APLF: variants seen among roughly 807,000 people sequenced by gnomAD.
APLF encodes the protein aprataxin and PNKP like factor, also known as aprataxin and PNK-like factor.
Under a neutral mutation model 55.6 loss-of-function variants are expected in APLF, and 61 were observed. That is an observed-to-expected ratio of 1.10 (90% CI 0.89 to 1.36). APLF has a LOEUF of 1.36. Ranked by LOEUF, APLF falls within the 40% of genes most tolerant of loss-of-function variation. APLF has a pLI of 0.00. For synonymous variants in APLF, 207 were observed against 214.8 expected (o/e 0.96, Z 0.32); for missense variants, 611 against 602.5 (o/e 1.01, Z -0.15).
chr2:68,549,134 A>G (rs1670788372), intron 8 of APLF, among the ~76,000 whole-genome samples: 1 of 151,986 alleles, frequency 6.6e-6, no homozygotes, highest in South Asian at 2.1e-4. Context: ...ATGGCAAAAG[A>G]TGGCCATGTC....
intron 6 of APLF, chr2:68,528,515 G>A: frequency 6.5e-7 from 1 of 1,533,894 alleles, no homozygotes; most frequent in Non-Finnish European, 8.7e-7. Context: ...GTGGCCGGCA[G>A]CTCTGGGTGG....
intron 1 of APLF, among the ~76,000 whole-genome samples, chr2:68,469,177 A>G (rs774057374): frequency 5.9e-5 from 9 of 152,208 alleles, no homozygotes; most frequent in Non-Finnish European, 8.8e-5. Context: ...CTATACAAAC[A>G]CTGGAAGGAA....
rs1676329891 is a variant in APLF, at chr2:68,490,663, A to G, written c.168+402A>G. ...TCTATCACTCTGTATAGAGTTGAAT[A>G]TTTCTAAAACTTAGACTTTGTTCAA... is the stretch of plus-strand genomic sequence containing the variant. On this transcript the variant is annotated intron_variant, in intron 2 of 9. Coordinates refer to ENST00000303795, the MANE Select transcript of APLF (RefSeq NM_173545.3). Among the ~76,000 whole-genome samples the G allele has an allele frequency of 2.0e-5, 3 of 152,210 alleles. No homozygotes were observed. In the South Asian group the frequency reaches 6.2e-4, roughly 31 times the overall value.
chr2:68,523,563 T>C (rs1348014925), intron 5 of APLF, among the ~76,000 whole-genome samples: 1 of 151,898 alleles, frequency 6.6e-6, no homozygotes, highest in Non-Finnish European at 1.5e-5. Context: ...ATAGTTAATA[T>C]AGCTGTTTGG....
At chr2:68,522,218 A>G (rs1390618655) in intron 5 of APLF, among the ~76,000 whole-genome samples, 1 of 151,800 alleles carries the variant, frequency 6.6e-6, no homozygotes, top group South Asian at 2.1e-4. Flanking sequence ...TAGTCATATC[A>G]TGTTTAGTAT....
At chr2:68,525,955 G>C in intron 5 of APLF, 106 bp from the exon 6 acceptor site, 3 of 1,098,802 alleles carry the variant, frequency 2.7e-6, no homozygotes, top group Middle Eastern at 3.1e-4. Context: ...TCACCATGTT[G>C]GCCAGGCTGG....
At chr2:68,491,692 T>C (rs1676365236) in intron 2 of APLF, among the ~76,000 whole-genome samples, 2 of 152,226 alleles carry the variant, frequency 1.3e-5, no homozygotes, top group African/African-American at 4.8e-5. Context: ...TATTGTGAAA[T>C]GGTGAAATCT....
intron 5 of APLF, among the ~76,000 whole-genome samples, chr2:68,519,727 T>A (rs1418003149): frequency 6.6e-6 from 1 of 151,390 alleles, no homozygotes; most frequent in African/African-American, 2.4e-5. Context: ...CTGATGGGCA[T>A]TTGGGCTGGT....
chr2:68,571,797 A>G (rs988622716), intron 9 of APLF, among the ~76,000 whole-genome samples: 1 of 152,064 alleles, frequency 6.6e-6, no homozygotes, highest in African/African-American at 2.4e-5. Context: ...TTCCATATGA[A>G]CTTTAAAGTA....
chr2:68,554,087 T>C (rs1479377123), intron 8 of APLF, among the ~76,000 whole-genome samples: 4 of 152,078 alleles, frequency 2.6e-5, no homozygotes, highest in Admixed American at 1.3e-4. Flanking sequence ...TATTGTCTTA[T>C]AGGTTCAAAG....
At chr2:68,479,996 C>T (rs1199450861) in intron 1 of APLF, among the ~76,000 whole-genome samples, 2 of 152,092 alleles carry the variant, frequency 1.3e-5, no homozygotes, top group Non-Finnish European at 1.5e-5. Flanking sequence ...GCTCTTTTCT[C>T]TAGCTTATTA....
intron 8 of APLF, among the ~76,000 whole-genome samples, chr2:68,563,956 A>G (rs574914699): frequency 6.6e-6 from 1 of 152,248 alleles, no homozygotes; most frequent in South Asian, 2.1e-4. Context: ...TCAGTGTACT[A>G]GTCTTGCCTG....
intron 1 of APLF, among the ~76,000 whole-genome samples, chr2:68,487,166 G>A (rs1676205718): frequency 6.6e-6 from 1 of 152,104 alleles, no homozygotes; most frequent in Admixed American, 6.5e-5. Context: ...GAAAGCCTGA[G>A]GGCCTCTTGG....
intron 9 of APLF, among the ~76,000 whole-genome samples, chr2:68,571,913 C>T (rs1237670689): frequency 6.6e-6 from 1 of 152,086 alleles, no homozygotes; most frequent in Non-Finnish European, 1.5e-5. Context: ...TGGGGTCCTC[C>T]TTTCTGGCCT....
At chr2:68,500,641 A>G (rs1676690129) in intron 2 of APLF, among the ~76,000 whole-genome samples, 1 of 152,236 alleles carries the variant, frequency 6.6e-6, no homozygotes, top group African/African-American at 2.4e-5. Flanking sequence ...GTCTTAGCCT[A>G]TAATCAGAAG....
At chr2:68,528,785 A>C in intron 6 of APLF, 1 of 1,432,702 alleles carries the variant, frequency 7.0e-7, no homozygotes, top group Non-Finnish European at 9.5e-7. Flanking sequence ...CACTGCATGC[A>C]CCTGGGCCTT....
chr2:68,579,876 C>G lies in APLF; in HGVS notation c.*1854C>G, dbSNP rs1671725026. 1 of 352,902 alleles carries G rather than the reference C, an allele frequency of 2.8e-6. No homozygotes were observed. Among genetic ancestry groups the G allele is most frequent in the Non-Finnish European group, 4.0e-6 (1 of 252,110 alleles). 21.9% of individuals were successfully genotyped at this position (352,902 alleles called of 1,614,324 possible). On this transcript the variant is annotated 3_prime_UTR_variant, in exon 10 of 10. Transcript: ENST00000303795. ...AGATTAGATGGCAGTGATGGTTGCA[C>G]AACTCTGTAAATATATTACAAACAA...
chr2:68,535,863 A>T (rs780654447), intron 6 of APLF, among the ~76,000 whole-genome samples: 1 of 152,140 alleles, frequency 6.6e-6, no homozygotes, highest in Non-Finnish European at 1.5e-5. Context: ...TGCAGTGTTT[A>T]TGGGGGAAAT....
intron 2 of APLF, among the ~76,000 whole-genome samples, chr2:68,494,607 A>T (rs1676481324): frequency 6.6e-6 from 1 of 152,016 alleles, no homozygotes. Context: ...TCCAGCTATT[A>T]AGCCCAGCAT....
Sources: gnomAD v4.1 joint callset for allele counts (sites outside exome capture counted in the v4.1 genomes callset) on GRCh38, gnomAD v4.1.1 for gene constraint, MANE v1.5 for transcripts, NCBI Gene and HGNC (gene_info 2026-07-23, HGNC 2026-07-21) for gene names.